ZNF141: variants seen among roughly 807,000 people sequenced by gnomAD.
The protein encoded by ZNF141 is zinc finger protein 141.
A neutral mutation model predicts 11.3 loss-of-function variants in ZNF141; 7 were observed. The ratio of observed to expected loss-of-function variants is 0.62; its 90% confidence interval spans 0.35 to 1.16. The LOEUF (loss-of-function observed/expected upper bound fraction) is 1.16, where lower values mean the gene tolerates loss of function less well. Ranked by LOEUF, ZNF141 falls within the 50% of genes most tolerant of loss-of-function variation. The pLI is 0.02. For missense variants in ZNF141, 535 were observed against 554.0 expected (o/e 0.97, Z 0.34); for synonymous variants, 183 against 190.7 (o/e 0.96, Z 0.33).
At chr4:371,542 T>G (rs1581624609) in intron 3 of ZNF141, among the ~76,000 whole-genome samples, 1 of 145,402 alleles carries the variant, frequency 6.9e-6, no homozygotes, top group African/African-American at 2.5e-5. Context: ...TTGTGATAAT[T>G]TGTGTGTGTG....
chr4:372,776 A>G lies in ZNF141; in HGVS notation c.339A>G (p.Leu113=). 1 of 1,613,888 alleles carries G rather than the reference A, an allele frequency of 6.2e-7. No homozygotes were observed. The highest frequency in any genetic ancestry group is 8.5e-7 in the Non-Finnish European group (1 of 1,179,888). ...AATGTGGACATGATAATTTACAATT[A>G]AGAAAAGGCTGTAAAAGTTTGAATG... is the stretch of plus-strand genomic sequence containing the variant. ...YEKCGHDNLQ[L]RKGCKSLNEC... is the part of the protein sequence containing the mutation. Residue 113 remains leucine, a synonymous_variant, in exon 4 of 4, where the codon TTA becomes TTG. Transcript: ENST00000240499.
At chr4:351,225 G>A (rs1440362039) in intron 3 of ZNF141, among the ~76,000 whole-genome samples, 2 of 149,808 alleles carry the variant, frequency 1.3e-5, no homozygotes, top group Non-Finnish European at 3.0e-5. Context: ...AGAACTATGA[G>A]CCAGTTAAAC....
Position 343,900 on chromosome 4 carries a change from T to A in ZNF141, c.122T>A (p.Val41Asp). The A allele has an allele frequency of 6.2e-7, 1 of 1,602,428 alleles. No individual in the cohort carries two copies. The highest frequency in any genetic ancestry group is 1.7e-4 in the Middle Eastern group (1 of 6,040). Residue 41 changes from valine to aspartate, a missense_variant, in exon 2 of 4, where the codon GTC becomes GAC. Val to Asp is a radical substitution (Grantham distance 152). Transcript: ENST00000240499. ...ATGTTGGAGAACTACAGGAACCTGGTCTCCCTGGGTGAGGATAACTTCAAT... is the reference window on the plus strand; with the variant it reads ...ATGTTGGAGAACTACAGGAACCTGGACTCCCTGGGTGAGGATAACTTCAAT... Reference protein sequence around the residue: ...DVMLENYRNLVSLGVAISNPD... With the variant: ...DVMLENYRNLDSLGVAISNPD...
At chr4:338,392 CATT>C (rs1553847917) in intron 1 of ZNF141, 1 of 186,180 alleles carries the variant, frequency 5.4e-6, no homozygotes, top group African/African-American at 2.4e-5. Context: ...AATGGGGACT[CATT>C]AATGGGACAG....
rs201015672 is a variant in ZNF141, at chr4:373,654, G to A, written c.1217G>A (p.Arg406Gln). Residue 406 changes from arginine (R) to glutamine (Q), a missense_variant, in exon 4 of 4, where the codon CGG becomes CAG. Physicochemically the swap from Arg to Gln is conservative, Grantham distance 43. Coordinates refer to ENST00000240499, the MANE Select transcript of ZNF141 (RefSeq NM_003441.4). ...KCEECGKAFR[R>Q]STDRSQHKKI... ...GAAGAATGTGGCAAAGCCTTTAGAC[G>A]GTCCACAGATCGGAGTCAACATAAG... The A allele has an allele frequency of 3.3e-5, 53 of 1,613,746 alleles. No individual in the cohort carries two copies. Among genetic ancestry groups the A allele is most frequent in the Non-Finnish European group, 3.4e-5 (40 of 1,179,976 alleles).
At chr4:367,620 G>A (rs59622708) in intron 3 of ZNF141, among the ~76,000 whole-genome samples, 25,092 of 151,142 alleles carry the variant, frequency 0.17, 2,805 homozygotes, top group African/African-American at 0.32. Context: ...AGGTTCAAGC[G>A]ATTCTTCTGC....
chr4:344,538 G>C, intron 3 of ZNF141, 108 bp downstream of exon 3: 1 of 849,948 alleles, frequency 1.2e-6, no homozygotes, highest in Non-Finnish European at 1.8e-6. Context: ...GCTCATGCCT[G>C]TAATCCAAGG....
chr4:376,347 T>C lies in ZNF141; in HGVS notation c.*2485T>C, dbSNP rs1460382101. 6.6e-6 allele frequency among the ~76,000 whole-genome samples: 1 copy of C among 152,058 alleles called. No homozygotes were observed. Among genetic ancestry groups the C allele is most frequent in the East Asian group, 1.9e-4 (1 of 5,198 alleles). Reference sequence around the variant, plus strand: ...TTTTTGTGGGTACATAGTATGCATATTTATCTATGGCATATATGGGTTATT... The same window carrying C: ...TTTTTGTGGGTACATAGTATGCATACTTATCTATGGCATATATGGGTTATT... On this transcript the variant is annotated 3_prime_UTR_variant, in exon 4 of 4. Transcript: ENST00000240499.
chr4:361,114 C>G (rs1553852071), intron 3 of ZNF141, among the ~76,000 whole-genome samples: 1 of 152,096 alleles, frequency 6.6e-6, no homozygotes, highest in East Asian at 1.9e-4. Flanking sequence ...TAAACATTTT[C>G]AAGTACAGTC....
chr4:347,506 A>AT (rs1441670688), intron 3 of ZNF141, among the ~76,000 whole-genome samples: 1 of 151,118 alleles, frequency 6.6e-6, no homozygotes, highest in Non-Finnish European at 1.5e-5. Flanking sequence ...CACCCAGCTA[A>AT]TTTTTTGTAT....
intron 1 of ZNF141, among the ~76,000 whole-genome samples, chr4:341,065 C>A (rs1284350402): frequency 1.4e-5 from 2 of 142,118 alleles, no homozygotes; most frequent in African/African-American, 2.7e-5. Flanking sequence ...GTCAAAAAAA[C>A]ATTTTTCTTT....
chr4:372,855 A>C lies in ZNF141; in HGVS notation c.418A>C (p.Thr140Pro), dbSNP rs1553853776. 4 of 1,612,924 alleles carry C rather than the reference A, an allele frequency of 2.5e-6. No homozygotes were observed. Among genetic ancestry groups the C allele is most frequent in the Non-Finnish European group, 3.4e-6 (4 of 1,179,140 alleles). The change falls in exon 4 of 4, where the codon ACC (threonine) becomes CCC (proline). Residue 140 changes from threonine to proline, a missense_variant. Transcript: ENST00000240499. ...YNEFNECLST[T>P]QSKILQCKAS... Reference sequence around the variant, plus strand: ...TGAATTTAATGAATGCTTGTCAACTACCCAGAGCAAAATACTTCAGTGTAA... The same window carrying C: ...TGAATTTAATGAATGCTTGTCAACTCCCCAGAGCAAAATACTTCAGTGTAA...
rs894918407 is a variant in ZNF141, at chr4:373,970, C to T, written c.*108C>T. On this transcript the variant is annotated 3_prime_UTR_variant, in exon 4 of 4. Coordinates refer to ENST00000240499, the MANE Select transcript of ZNF141 (RefSeq NM_003441.4). ...AGAGAAACCCTGGAAATGTGAAGAACGTGGCAAAGTTCTTTACCTCATTCT... is the reference window on the plus strand; with the variant it reads ...AGAGAAACCCTGGAAATGTGAAGAATGTGGCAAAGTTCTTTACCTCATTCT... The T allele has an allele frequency of 2.5e-5, 25 of 1,004,284 alleles. No homozygotes were observed. Among genetic ancestry groups the T allele is most frequent in the Admixed American group, 1.4e-4 (6 of 43,204 alleles). 62.2% of individuals were successfully genotyped at this position (1,004,284 alleles called of 1,614,324 possible).
chr4:375,715 A>G lies in ZNF141; in HGVS notation c.*1853A>G, dbSNP rs192936610. On this transcript the variant is annotated 3_prime_UTR_variant, in exon 4 of 4. Transcript: ENST00000240499. ...AAAGTATAGATTTTTTGAAAAGCAT[A>G]TAATAGTTAATTCAACTCAAATTAT... 6.6e-6 allele frequency among the ~76,000 whole-genome samples: 1 copy of G among 152,258 alleles called. No homozygotes were observed. The highest frequency in any genetic ancestry group is 2.4e-5 in the African/African-American group (1 of 41,582).
rs1326300955 is a variant in ZNF141, at chr4:384,422, A to C, written c.*10560A>C. 1 of 152,196 alleles carries C rather than the reference A, an allele frequency of 6.6e-6. No individual in the cohort carries two copies. The highest frequency in any genetic ancestry group is 2.4e-5 in the African/African-American group (1 of 41,430). 9.4% of individuals were successfully genotyped at this position (152,196 alleles called of 1,614,324 possible). ...AAAACACCCACGGGACCACACCTGC[A>C]CCACCCATGTAGCTAGCAGGAAGAA... On this transcript the variant is annotated 3_prime_UTR_variant, in exon 4 of 4. Coordinates refer to ENST00000240499, the MANE Select transcript of ZNF141 (RefSeq NM_003441.4).
chr4:351,891 A>G (rs1345456859), intron 3 of ZNF141, among the ~76,000 whole-genome samples: 1 of 152,150 alleles, frequency 6.6e-6, no homozygotes, highest in African/African-American at 2.4e-5. Context: ...AGGTTGTGAT[A>G]TCCTCTGAGA....
At chr4:362,010 C>G (rs1293850383) in intron 3 of ZNF141, among the ~76,000 whole-genome samples, 21 of 152,300 alleles carry the variant, frequency 1.4e-4, no homozygotes, top group African/African-American at 4.1e-4. Flanking sequence ...TAAAAGTGTT[C>G]CTATTTCTCC....
At chr4:367,534 T>G (rs1385809955) in intron 3 of ZNF141, among the ~76,000 whole-genome samples, 1 of 151,602 alleles carries the variant, frequency 6.6e-6, no homozygotes, top group Non-Finnish European at 1.5e-5. Context: ...TTTTTTTTTT[T>G]GATGTGGAGT....
In ZNF141 at chr4:381,965, T is replaced by TTTTTTTTTTTTTTTTTTTA. The variant is rs1712642041; in HGVS notation, c.*8103_*8104insTTTTTTTTTTTTTTTTTTA. 7.4e-6 allele frequency among the ~76,000 whole-genome samples: 1 copy of TTTTTTTTTTTTTTTTTTTA among 135,600 alleles called. No individual in the cohort carries two copies. The highest frequency in any genetic ancestry group is 2.8e-5 in the African/African-American group (1 of 35,964). 89.0% of individuals were successfully genotyped at this position (135,600 alleles called of 152,430 possible). On this transcript the variant is annotated 3_prime_UTR_variant, in exon 4 of 4. Transcript: ENST00000240499. Reference sequence around the variant, plus strand: ...TGGGAACTTTTTTTTTTTTTTTTTTTGAGACGGAGTCTCACTCTCGCCCAG... The same window carrying TTTTTTTTTTTTTTTTTTTA: ...TGGGAACTTTTTTTTTTTTTTTTTTTTTTTTTTTTTTTTTTTTTAGAGACGGAGTCTCACTCTCGCCCAG...
Sources: gnomAD v4.1 joint callset for allele counts (sites outside exome capture counted in the v4.1 genomes callset) on GRCh38, gnomAD v4.1.1 for gene constraint, MANE v1.5 for transcripts, NCBI Gene and HGNC (gene_info 2026-07-23, HGNC 2026-07-21) for gene names.